CEP162: variants seen among roughly 807,000 people sequenced by gnomAD.
CEP162 encodes the protein centrosomal protein 162, also known as centrosomal protein of 162 kDa.
A neutral mutation model predicts 169.2 loss-of-function variants in CEP162; 141 were observed. That is an observed-to-expected ratio of 0.83 (90% CI 0.73 to 0.96). CEP162 has a LOEUF of 0.96. CEP162 is among the 40% of genes least tolerant of loss of function. The pLI is 0.00. For missense variants in CEP162, 1,600 were observed against 1,587.2 expected (o/e 1.01, Z -0.14); for synonymous variants, 540 against 526.4 (o/e 1.03, Z -0.35).
chr6:84,217,211 T>C (rs2127752045), intron 3 of CEP162, among the ~76,000 whole-genome samples: 1 of 152,272 alleles, frequency 6.6e-6, no homozygotes, highest in East Asian at 1.9e-4. Context: ...ATTCATGTGA[T>C]TTGAGGCAGG....
intron 21 of CEP162, among the ~76,000 whole-genome samples, chr6:84,156,977 A>AG (rs532145244): frequency 4.9e-4 from 74 of 152,110 alleles, no homozygotes; most frequent in African/African-American, 1.7e-3. Flanking sequence ...GCAGGGTGGG[A>AG]GGGGGTGAGG....
chr6:84,155,514 T>C lies in CEP162; in HGVS notation c.2782-4A>G. The C allele has an allele frequency of 6.4e-7, 1 of 1,571,606 alleles. No homozygotes were observed. The highest frequency in any genetic ancestry group is 1.1e-5 in the South Asian group (1 of 87,712). ...GAATCCCTTCCATTTCCTTAACCTATTAAAACATATTTTCCACCAAAGAAC... is the reference window on the plus strand; with the variant it reads ...GAATCCCTTCCATTTCCTTAACCTACTAAAACATATTTTCCACCAAAGAAC... On this transcript the variant is annotated splice_polypyrimidine_tract_variant and splice_region_variant and intron_variant, in intron 21 of 26. Coordinates refer to ENST00000403245, the MANE Select transcript of CEP162 (RefSeq NM_014895.4).
chr6:84,207,141 A>G (rs192352872), intron 6 of CEP162, among the ~76,000 whole-genome samples: 23 of 152,270 alleles, frequency 1.5e-4, no homozygotes, highest in Non-Finnish European at 2.6e-4. Context: ...AACTAGTTCA[A>G]TTGTGGAAGA....
intron 23 of CEP162, among the ~76,000 whole-genome samples, chr6:84,152,069 G>C (rs2099521324): frequency 1.3e-5 from 2 of 152,152 alleles, no homozygotes. Flanking sequence ...GAAGGAAATG[G>C]ATGAGTATAA....
chr6:84,138,604 G>C (rs181562740), intron 25 of CEP162, among the ~76,000 whole-genome samples: 128 of 152,300 alleles, frequency 8.4e-4, no homozygotes, highest in African/African-American at 2.7e-3. Context: ...AGGACACTGA[G>C]TGCTTAGCTT....
intron 24 of CEP162, among the ~76,000 whole-genome samples, chr6:84,147,836 C>T (rs1418496480): frequency 6.6e-6 from 1 of 152,068 alleles, no homozygotes; most frequent in Non-Finnish European, 1.5e-5. Flanking sequence ...AGTCTCATAT[C>T]TTTAGGTAAA....
At chr6:84,185,502 T>G in intron 12 of CEP162, 54 bp from the exon 13 acceptor site, 1 of 1,443,590 alleles carries the variant, frequency 6.9e-7, no homozygotes, top group Non-Finnish European at 9.5e-7. Context: ...TAACTATTGT[T>G]GTAAATGAAT....
Position 84,200,845 on chromosome 6 carries a change from A to G in CEP162, c.779T>C (p.Ile260Thr). 1 of 1,612,620 alleles carries G rather than the reference A, an allele frequency of 6.2e-7. No individual in the cohort carries two copies. ...TGGTAGGCACCTTGGCTTAGGTGTT[A>G]TTTTATCTTGTTCATCAAGATTGAC... ...AEVNLDEQDK[I>T]TPKPRCLPEM... is the part of the protein sequence containing the mutation. Residue 260 changes from isoleucine (I) to threonine (T), a missense_variant, in exon 9 of 27, where the codon ATA becomes ACA. Transcript: ENST00000403245.
At chr6:84,227,209 G>A (rs762275189) in intron 1 of CEP162, among the ~76,000 whole-genome samples, 1 of 152,120 alleles carries the variant, frequency 6.6e-6, no homozygotes, top group Non-Finnish European at 1.5e-5. Flanking sequence ...TCAAATCCCA[G>A]CTTTCTTCTG....
rs577312252 is a variant in CEP162, at chr6:84,170,330, C to T, written c.2280-897G>A. Among the ~76,000 whole-genome samples, 667 of 136,922 alleles carry T rather than the reference C, an allele frequency of 4.9e-3. 9 individuals are homozygous for T. The highest frequency in any genetic ancestry group is 0.018 in the African/African-American group (631 of 34,470). The allele number at this position is 136,922 out of a possible 152,430, so 89.8% of individuals were successfully genotyped here. ...CAGAGCTTGCAGTGAGCCGAGATTA[C>T]GCCATTGCACTCCAGCCTGGGTGAC... On this transcript the variant is annotated intron_variant, in intron 17 of 26. Coordinates refer to ENST00000403245, the MANE Select transcript of CEP162 (RefSeq NM_014895.4).
intron 2 of CEP162, among the ~76,000 whole-genome samples, chr6:84,223,767 C>G (rs377665484): frequency 6.6e-6 from 1 of 151,674 alleles, no homozygotes; most frequent in Non-Finnish European, 1.5e-5. Flanking sequence ...ATTAGCTGGG[C>G]GTGGTGGCAG....
At chr6:84,156,773 A>ACACAC (rs57139625) in intron 21 of CEP162, among the ~76,000 whole-genome samples, 5,536 of 137,352 alleles carry the variant, frequency 0.04, 326 homozygotes, top group African/African-American at 0.15. Context: ...CACACACACA[A>ACACAC]ACACACTATT....
rs753580129 is a variant in CEP162 at position 84,200,811 on chromosome 6, A to C, written c.813T>G (p.Thr271=). Residue 271 remains threonine (T), a synonymous_variant, in exon 9 of 27, where the codon ACT becomes ACG. Transcript: ENST00000403245. ...TPKPRCLPEM[T]ENEMTGTGVS... ...TACCTGTTCCTGTCATTTCATTCTC[A>C]GTCATTTCTGGTAGGCACCTTGGCT... 6.9e-6 allele frequency: 11 copies of C among 1,601,798 alleles called. No individual in the cohort carries two copies. The highest frequency in any genetic ancestry group is 8.6e-6 in the Non-Finnish European group (10 of 1,169,112).
At chr6:84,225,634 C>T (rs1057240906) in intron 2 of CEP162, among the ~76,000 whole-genome samples, 31 of 151,522 alleles carry the variant, frequency 2.0e-4, no homozygotes, top group African/African-American at 6.6e-4. Context: ...TAGCAATGAA[C>T]GTAGAGTCAT....
intron 25 of CEP162, among the ~76,000 whole-genome samples, chr6:84,143,026 A>ATAAT (rs1562007102): frequency 6.6e-6 from 1 of 152,110 alleles, no homozygotes; most frequent in African/African-American, 2.4e-5. Flanking sequence ...AAAGTCTTCA[A>ATAAT]TAATTACTAT....
chr6:84,143,294 A>ACGCCTGTAATCCCAGCACTTTGGG (rs2099517450), intron 25 of CEP162, among the ~76,000 whole-genome samples: 1 of 152,056 alleles, frequency 6.6e-6, no homozygotes, highest in East Asian at 1.9e-4. Context: ...ATGCTTCTAG[A>ACGCCTGTAATCCCAGCACTTTGGG]AGTCATGAAA....
intron 22 of CEP162, among the ~76,000 whole-genome samples, chr6:84,154,738 T>C (rs905891662): frequency 2.6e-5 from 4 of 152,190 alleles, no homozygotes; most frequent in African/African-American, 7.2e-5. Flanking sequence ...AATCTATAAC[T>C]GTTATTTGTC....
At chr6:84,140,494 C>A (rs1208584104) in intron 25 of CEP162, among the ~76,000 whole-genome samples, 2 of 152,104 alleles carry the variant, frequency 1.3e-5, no homozygotes, top group African/African-American at 4.8e-5. Context: ...AAGCCTCCGG[C>A]AACCATGGTT....
At chr6:84,154,326 A>G (rs79721164) in intron 22 of CEP162, among the ~76,000 whole-genome samples, 12,748 of 147,750 alleles carry the variant, frequency 0.086, 691 homozygotes, top group African/African-American at 0.17. Context: ...CTATCTATCT[A>G]TCTATCTGTC....
Sources: gnomAD v4.1 joint callset for allele counts (sites outside exome capture counted in the v4.1 genomes callset) on GRCh38, gnomAD v4.1.1 for gene constraint, MANE v1.5 for transcripts, NCBI Gene and HGNC (gene_info 2026-07-23, HGNC 2026-07-21) for gene names.